The following FARP2 variants were observed in gnomAD, a reference collection of about 807,000 sequenced individuals.
FARP2 encodes FERM, ARH/RhoGEF and pleckstrin domain protein 2.
In FARP2, 111 loss-of-function variants were observed where a neutral mutation model predicts 130.5. That is an observed-to-expected ratio of 0.85 (90% confidence interval 0.73 to 1.00). FARP2 has a LOEUF of 1.00. Among genes scored for constraint, FARP2 ranks in the 50% least tolerant of loss-of-function variants. FARP2 has a pLI of 0.00. For missense variants in FARP2, 1,385 were observed against 1,346.3 expected, an observed-to-expected ratio of 1.03 and a Z score of -0.45; for synonymous variants, 504 against 516.9, an observed-to-expected ratio of 0.98 and a Z score of 0.34.
chr2:241,425,053 A>G (rs952550268), intron 8 of FARP2, among the ~76,000 whole-genome samples: 2 of 152,030 alleles, frequency 1.3e-5, no homozygotes, highest in South Asian at 2.1e-4. Flanking sequence ...CTACTAATAT[A>G]ATAATTAGCC....
At chr2:241,376,584 C>G (rs141330915) in intron 2 of FARP2, among the ~76,000 whole-genome samples, 60 of 152,366 alleles carry the variant, frequency 3.9e-4, no homozygotes, top group African/African-American at 1.4e-3. Context: ...TGTCCCGCCC[C>G]CCTTCCTTGT....
At chr2:241,411,278 G>T in intron 6 of FARP2, 148 bp downstream of exon 6, 1 of 629,228 alleles carries the variant, frequency 1.6e-6, no homozygotes. Flanking sequence ...TTTTTTATAA[G>T]CTACAGATTA....
At chr2:241,388,153 G>T (rs2061832139) in intron 2 of FARP2, among the ~76,000 whole-genome samples, 1 of 152,152 alleles carries the variant, frequency 6.6e-6, no homozygotes, top group African/African-American at 2.4e-5. Context: ...AAAAGTTGGA[G>T]GACTCACACT....
At chr2:241,451,608 C>G (rs1019061843) in intron 13 of FARP2, among the ~76,000 whole-genome samples, 4 of 152,180 alleles carry the variant, frequency 2.6e-5, no homozygotes, top group African/African-American at 7.2e-5. Context: ...AAGACTGATT[C>G]TTACTGGCTG....
At position 241,357,333 on chromosome 2, in the gene FARP2, GC is replaced by G. The variant is rs1360791117; in HGVS notation, c.-25+947del. 2.6e-5 allele frequency among the ~76,000 whole-genome samples: 4 copies of G among 151,700 alleles called. No homozygotes were observed. The East Asian group carries it at 7.7e-4, about 29-fold the overall frequency. ...TTAGCGTGTTGGTCTTGTGTAGACTGCCTTATAACAGGCGACACAGATTTTC... is the reference window on the plus strand; with the variant it reads ...TTAGCGTGTTGGTCTTGTGTAGACTGCTTATAACAGGCGACACAGATTTTC... On this transcript the variant is annotated intron_variant, in intron 1 of 26. Transcript: ENST00000264042.
rs770743320 is a variant in FARP2 at position 241,463,939 on chromosome 2, C to G, written c.1852C>G (p.Arg618Gly). 5.6e-6 allele frequency: 9 copies of G among 1,613,950 alleles called. No individual in the cohort carries two copies. Among genetic ancestry groups the G allele is most frequent in the Non-Finnish European group, 7.6e-6 (9 of 1,179,964 alleles). The stretch of plus-strand genomic sequence containing the variant: ...AGCCCACACAAAAGGCAGTCATCAA[C>G]GAATCGGGGACATCCTGCTCAGGAA... ...SKAHTKGSHQ[R>G]IGDILLRNMR... The change falls in exon 17 of 27, where the codon CGA (arginine) becomes GGA (glycine). Residue 618 changes from arginine (R) to glycine (G), a missense_variant. Physicochemically the swap from Arg to Gly is moderately radical, Grantham distance 125. Transcript: ENST00000264042.
In FARP2 at chr2:241,465,410, C is replaced by A. The variant is rs1037343331; in HGVS notation, c.1893+1430C>A. On this transcript the variant is annotated intron_variant, in intron 17 of 26. Transcript: ENST00000264042. ...TAGCTGCTGTGGGGAGGGCAGGGCC[C>A]TGGGACTTGTTTCCACCTTGGCTGC... The A allele has an allele frequency of 2.7e-6, 4 of 1,461,992 alleles. No homozygotes were observed. In the African/African-American group the frequency reaches 5.6e-5, roughly 21 times the overall value. The allele number at this position is 1,461,992 out of a possible 1,614,324, so 90.6% of individuals were successfully genotyped here.
chr2:241,431,500 A>G (rs765096705), intron 8 of FARP2, among the ~76,000 whole-genome samples, 179 bp from the exon 9 acceptor site: 3 of 152,246 alleles, frequency 2.0e-5, no homozygotes, highest in Admixed American at 1.3e-4. Flanking sequence ...TTATCTTTCT[A>G]GAACAGATAG....
At chr2:241,382,290 C>CAATTT (rs1553709362) in intron 2 of FARP2, among the ~76,000 whole-genome samples, 2 of 127,198 alleles carry the variant, frequency 1.6e-5, no homozygotes, top group African/African-American at 5.5e-5. Flanking sequence ...TGTACAAAAT[C>CAATTT]TATTTTTTTT....
intron 10 of FARP2, 48 bp from the exon 11 acceptor site, chr2:241,434,914 A>T: frequency 9.1e-7 from 1 of 1,100,374 alleles, no homozygotes. Flanking sequence ...CTGAAAAATT[A>T]ATGCTGACTT....
intron 1 of FARP2, among the ~76,000 whole-genome samples, chr2:241,363,745 T>G (rs1162905608): frequency 6.6e-6 from 1 of 152,190 alleles, no homozygotes; most frequent in Admixed American, 6.5e-5. Flanking sequence ...AGAAGGCTGG[T>G]CAGGACCTGG....
chr2:241,418,551 A>G (rs1436191293), intron 8 of FARP2, among the ~76,000 whole-genome samples: 1 of 152,210 alleles, frequency 6.6e-6, no homozygotes, highest in Non-Finnish European at 1.5e-5. Flanking sequence ...AGTGGGTTAC[A>G]GTAATCATTT....
chr2:241,454,853 A>G (rs375530600), intron 13 of FARP2, among the ~76,000 whole-genome samples: 1 of 152,328 alleles, frequency 6.6e-6, no homozygotes, highest in Non-Finnish European at 1.5e-5. Flanking sequence ...TTCCAGAGGA[A>G]AGCTCTGCTA....
rs1553705629 is a variant in FARP2, at chr2:241,366,104, A to AATATAT, written c.-24-6968_-24-6963dup. 5.5e-3 allele frequency among the ~76,000 whole-genome samples: 310 copies of AATATAT among 56,864 alleles called. 4 individuals are homozygous for AATATAT. The highest frequency in any genetic ancestry group is 7.5e-3 in the Non-Finnish European group (214 of 28,358). 37.3% of individuals were successfully genotyped at this position (56,864 alleles called of 152,430 possible). ...ACCTCATCACTACTAAAAAAAAAAA[A>AATATAT]ATATATATATATATATACGTATATA... On this transcript the variant is annotated intron_variant, in intron 1 of 26. Transcript: ENST00000264042.
chr2:241,413,543 G>T, intron 7 of FARP2, 122 bp downstream of exon 7: 1 of 712,848 alleles, frequency 1.4e-6, no homozygotes, highest in Non-Finnish European at 2.3e-6. Flanking sequence ...ATTGCTCCTG[G>T]CCTCAGGATG....
chr2:241,464,748 C>G (rs1260792777), intron 17 of FARP2, among the ~76,000 whole-genome samples: 1 of 151,980 alleles, frequency 6.6e-6, no homozygotes, highest in African/African-American at 2.4e-5. Context: ...GAACAAGGTT[C>G]CCCAGAACAG....
At chr2:241,372,873 G>T (rs1315470014) in intron 1 of FARP2, 6 of 301,814 alleles carry the variant, frequency 2.0e-5, no homozygotes, top group Non-Finnish European at 3.6e-5. Flanking sequence ...TTGTTATTGA[G>T]GGTGGTGCTT....
chr2:241,436,156 G>A (rs190376126), intron 11 of FARP2, among the ~76,000 whole-genome samples: 19 of 151,436 alleles, frequency 1.3e-4, no homozygotes, highest in Admixed American at 5.9e-4. Flanking sequence ...TGATCCACCC[G>A]CCTCGGCCTC....
chr2:241,466,759 T>G, intron 17 of FARP2: 1 of 224,148 alleles, frequency 4.5e-6, no homozygotes, highest in Non-Finnish European at 7.2e-6. Flanking sequence ...GGAGAAACAT[T>G]CCCCACTCCC....
Sources: allele counts gnomAD v4.1 joint callset (sites outside exome capture counted in the v4.1 genomes callset), GRCh38; gene constraint gnomAD v4.1.1; transcripts MANE v1.5; gene names NCBI Gene and HGNC (gene_info 2026-07-23, HGNC 2026-07-21).